The following SLC44A5 variants were observed in gnomAD, a reference collection of about 807,000 sequenced individuals.
The protein encoded by SLC44A5 is solute carrier family 44 member 5, also known as choline transporter-like protein 5.
Under a neutral mutation model 101.8 loss-of-function variants are expected in SLC44A5, and 57 were observed. The ratio of observed to expected loss-of-function variants is 0.56; its 90% CI spans 0.45 to 0.70. The LOEUF is 0.70. SLC44A5 is among the 30% of genes least tolerant of loss of function. The pLI is 0.00. For synonymous variants in SLC44A5, 281 were observed against 290.9 expected (o/e 0.97, Z 0.35); for missense variants, 737 against 853.1 (o/e 0.86, Z 1.70).
intron 3 of SLC44A5, among the ~76,000 whole-genome samples, chr1:75,373,897 C>A (rs1660394491): frequency 6.6e-6 from 1 of 152,162 alleles, no homozygotes; most frequent in South Asian, 2.1e-4. Flanking sequence ...GGGCATCAAG[C>A]TGAGATCTGT....
At chr1:75,364,608 C>T (rs1046497097) in intron 3 of SLC44A5, among the ~76,000 whole-genome samples, 10 of 152,236 alleles carry the variant, frequency 6.6e-5, no homozygotes, top group Non-Finnish European at 1.0e-4. Context: ...GCTTCCTATA[C>T]CTGGATGGTG....
the SLC44A5 span, among the ~76,000 whole-genome samples, chr1:75,677,456 C>G: frequency 1.3e-5 from 2 of 151,942 alleles, no homozygotes; most frequent in Non-Finnish European, 2.9e-5. Flanking sequence ...ATGGTAACCT[C>G]AAATTTAAAA....
At position 75,237,107 on chromosome 1, in the gene SLC44A5, G is replaced by C. The variant is rs946097397; in HGVS notation, c.657-37C>G. 4.9e-6 allele frequency: 6 copies of C among 1,230,732 alleles called. No homozygotes were observed. In the African/African-American group the frequency reaches 8.9e-5, roughly 18 times the overall value. 76.2% of individuals were successfully genotyped at this position (1,230,732 alleles called of 1,614,324 possible). On this transcript the variant is annotated intron_variant, in intron 10 of 23. Coordinates refer to ENST00000370859, the MANE Select transcript of SLC44A5 (RefSeq NM_001130058.2). The stretch of plus-strand genomic sequence containing the variant: ...GAAGGGAAAAAATCAATTATTTTTT[G>C]ATGACCACTAAACAGAAATGTTCTT...
At chr1:75,569,346 T>C (rs1672953996) in intron 1 of SLC44A5, among the ~76,000 whole-genome samples, 2 of 150,602 alleles carry the variant, frequency 1.3e-5, no homozygotes, top group African/African-American at 2.4e-5. Context: ...GCTCAGGTGA[T>C]CCTCCCACCT....
At chr1:75,455,668 A>T (rs1175683875) in intron 2 of SLC44A5, among the ~76,000 whole-genome samples, 2 of 152,146 alleles carry the variant, frequency 1.3e-5, no homozygotes, top group Non-Finnish European at 2.9e-5. Flanking sequence ...CAAGCAAAAA[A>T]CAAATAACCC....
intron 2 of SLC44A5, among the ~76,000 whole-genome samples, chr1:75,507,407 C>T (rs753507877): frequency 2.6e-5 from 4 of 152,062 alleles, no homozygotes; most frequent in Non-Finnish European, 5.9e-5. Flanking sequence ...CCTACGTGAT[C>T]GTGACAAATT....
intron 1 of SLC44A5, among the ~76,000 whole-genome samples, chr1:75,592,276 G>C (rs1674397071): frequency 6.6e-6 from 1 of 151,868 alleles, no homozygotes; most frequent in Non-Finnish European, 1.5e-5. Context: ...CATTATAATA[G>C]CCACACATAA....
At chr1:75,480,650 G>A (rs4949670) in intron 2 of SLC44A5, among the ~76,000 whole-genome samples, 105,227 of 151,466 alleles carry the variant, frequency 0.69, 37,182 homozygotes, top group East Asian at 0.96. Context: ...ACTCCCATTC[G>A]CAATTGCTTC....
chr1:75,397,872 G>T (rs1662224135), intron 2 of SLC44A5, among the ~76,000 whole-genome samples: 1 of 152,044 alleles, frequency 6.6e-6, no homozygotes, highest in African/African-American at 2.4e-5. Context: ...ACATTTTCAG[G>T]ATATTCCCCA....
chr1:75,364,224 C>T (rs906249879), intron 3 of SLC44A5, among the ~76,000 whole-genome samples: 1 of 152,060 alleles, frequency 6.6e-6, no homozygotes, highest in Non-Finnish European at 1.5e-5. Flanking sequence ...ATACCTGAGA[C>T]TGGGTAATTT....
chr1:75,612,631 GCCT>G (rs553426553), upstream of SLC44A5, among the ~76,000 whole-genome samples: 45 of 152,218 alleles, frequency 3.0e-4, 1 homozygote, highest in South Asian at 8.7e-3. Context: ...CTTCTTCCAG[GCCT>G]CCTCTTACTT....
chr1:75,269,860 T>G (rs1401639302), intron 6 of SLC44A5, among the ~76,000 whole-genome samples: 1 of 152,168 alleles, frequency 6.6e-6, no homozygotes, highest in East Asian at 1.9e-4. Context: ...TCTTGAATTA[T>G]AGCTCCCATA....
chr1:75,647,964 A>T, the SLC44A5 span, among the ~76,000 whole-genome samples: 245 of 152,250 alleles, frequency 1.6e-3, 2 homozygotes, highest in African/African-American at 5.6e-3. Context: ...GGAAGGCATA[A>T]TTTTGTTTTG....
the SLC44A5 span, among the ~76,000 whole-genome samples, chr1:75,639,905 GC>G: frequency 6.6e-6 from 1 of 151,932 alleles, no homozygotes; most frequent in Admixed American, 6.6e-5. Flanking sequence ...TTGAGGAATT[GC>G]CCTTGTCACA....
At chr1:75,703,961 A>C in the SLC44A5 span, among the ~76,000 whole-genome samples, 1 of 152,142 alleles carries the variant, frequency 6.6e-6, no homozygotes, top group African/African-American at 2.4e-5. Flanking sequence ...GCTGAGGCAG[A>C]AAGATTGCTT....
chr1:75,213,299 C>A (rs1014782863), intron 22 of SLC44A5, among the ~76,000 whole-genome samples: 30 of 152,046 alleles, frequency 2.0e-4, no homozygotes, highest in African/African-American at 7.0e-4. Context: ...TCTACTATTC[C>A]TTTTTAAAAT....
chr1:75,376,691 A>G lies in SLC44A5; in HGVS notation c.52+19892T>C, dbSNP rs559218148. Among the ~76,000 whole-genome samples, 532 of 151,880 alleles carry G rather than the reference A, an allele frequency of 3.5e-3. 2 individuals carry two copies. Among genetic ancestry groups the G allele is most frequent in the Non-Finnish European group, 3.9e-3 (265 of 67,728 alleles). On this transcript the variant is annotated intron_variant, in intron 3 of 23. Coordinates refer to ENST00000370859, the MANE Select transcript of SLC44A5 (RefSeq NM_001130058.2). ...AAAAACCCATCTGTACATCACCATC[A>G]TCAAAGACCAAAAGTAGATAAAACC...
intron 4 of SLC44A5, among the ~76,000 whole-genome samples, chr1:75,304,307 TG>T (rs374957356): frequency 0.59 from 88,693 of 151,542 alleles, 26,346 homozygotes; most frequent in East Asian, 0.85. Context: ...TGTGTGTGTG[TG>T]TGTGTGTGTG....
chr1:75,457,936 G>T (rs1474403445), intron 2 of SLC44A5, among the ~76,000 whole-genome samples: 1 of 152,060 alleles, frequency 6.6e-6, no homozygotes, highest in Non-Finnish European at 1.5e-5. Flanking sequence ...GAAAAATCAG[G>T]ACCACATTCC....
Sources: allele counts gnomAD v4.1 joint callset (sites outside exome capture counted in the v4.1 genomes callset), GRCh38; gene constraint gnomAD v4.1.1; transcripts MANE v1.5; gene names NCBI Gene and HGNC (gene_info 2026-07-23, HGNC 2026-07-21).